Variants in SLC35A1 observed in about 807,000 individuals in gnomAD.
SLC35A1 encodes CMP-sialic acid transporter.
Under a neutral mutation model 40.3 loss-of-function variants are expected in SLC35A1, and 21 were observed. The ratio of observed to expected loss-of-function variants is 0.52; its 90% CI spans 0.37 to 0.75. The LOEUF (loss-of-function observed/expected upper bound fraction) is 0.75. Ranked by LOEUF, SLC35A1 falls within the 30% of genes least tolerant of loss-of-function variation. The probability of loss-of-function intolerance (pLI) is 0.00; values close to 1 mark genes in which losing one functional copy is unlikely to be tolerated. For synonymous variants in SLC35A1, 146 were observed against 147.3 expected (o/e 0.99, Z 0.06); for missense variants, 297 against 382.1 (o/e 0.78, Z 1.86).
At chr6:87,492,794 C>T (rs1769593309) in intron 2 of SLC35A1, among the ~76,000 whole-genome samples, 1 of 152,018 alleles carries the variant, frequency 6.6e-6, no homozygotes. Flanking sequence ...AGGCGATGCA[C>T]CCAGCTTGGC....
intron 1 of SLC35A1, among the ~76,000 whole-genome samples, chr6:87,476,682 G>A (rs1000047863): frequency 7.2e-5 from 11 of 151,852 alleles, no homozygotes; most frequent in Non-Finnish European, 1.5e-4. Flanking sequence ...CCGAGATCAC[G>A]TCAAGATCAT....
rs906267569 is a variant in SLC35A1, at chr6:87,511,937, A to AC, written c.*415dup. 1 of 243,078 alleles carries AC rather than the reference A, an allele frequency of 4.1e-6. No homozygotes were observed. Among genetic ancestry groups the AC allele is most frequent in the African/African-American group, 2.3e-5 (1 of 44,062 alleles). 15.1% of individuals were successfully genotyped at this position (243,078 alleles called of 1,614,324 possible). A position where few individuals can be genotyped will look rare whatever the true frequency, so the allele number is the denominator to read the frequency against. ...TGTTCCGGTACCGGGGAGAAGGATG[A>AC]CCCCTCCTTATTCTCCAATTCATGT... On this transcript the variant is annotated 3_prime_UTR_variant, in exon 8 of 8. Coordinates refer to ENST00000369552, the MANE Select transcript of SLC35A1 (RefSeq NM_006416.5).
chr6:87,511,600 A>G lies in SLC35A1; in HGVS notation c.*74A>G. On this transcript the variant is annotated 3_prime_UTR_variant, in exon 8 of 8. Transcript: ENST00000369552. ...ACTAGAGCCTTAAGTCAATCTCAGA[A>G]GGTAGCATAAACAAATAAAAATTAA... is the stretch of plus-strand genomic sequence containing the variant. 1.3e-6 allele frequency: 2 copies of G among 1,503,674 alleles called. No individual in the cohort carries two copies. The highest frequency in any genetic ancestry group is 1.9e-6 in the Non-Finnish European group (2 of 1,080,144). The allele number at this position is 1,503,674 out of a possible 1,614,324, so 93.1% of individuals were successfully genotyped here.
In SLC35A1 at chr6:87,477,865, TG is replaced by T. The variant is rs1769120200; in HGVS notation, c.194+329del. 4.6e-5 allele frequency among the ~76,000 whole-genome samples: 7 copies of T among 152,250 alleles called. No homozygotes were observed. The South Asian group carries it at 1.2e-3, about 27-fold the overall frequency. ...ATAGAAGTTGGCAAACTATGTCTCA[TG>T]GGCCAAATCCAGCTTGCTCCCTGGT... is the stretch of plus-strand genomic sequence containing the variant. On this transcript the variant is annotated intron_variant, in intron 2 of 7. Transcript: ENST00000369552.
At chr6:87,495,496 TC>T (rs1769699300) in intron 2 of SLC35A1, among the ~76,000 whole-genome samples, 1 of 152,160 alleles carries the variant, frequency 6.6e-6, no homozygotes, top group South Asian at 2.1e-4. Flanking sequence ...TTTGTTTATT[TC>T]TCCTTCTGGG....
intron 2 of SLC35A1, among the ~76,000 whole-genome samples, chr6:87,484,411 C>CACCCGT (rs1213543249): frequency 2.6e-5 from 4 of 152,136 alleles, no homozygotes; most frequent in Non-Finnish European, 5.9e-5. Flanking sequence ...TAGAAGGGTA[C>CACCCGT]ACCCTCACAG....
chr6:87,480,629 G>A (rs9450710), intron 2 of SLC35A1, among the ~76,000 whole-genome samples: 7,789 of 152,230 alleles, frequency 0.051, 210 homozygotes, highest in Middle Eastern at 0.078. Flanking sequence ...AGAACAAAGC[G>A]CATCTTAAAG....
At chr6:87,507,517 A>G (rs938690928) in intron 5 of SLC35A1, among the ~76,000 whole-genome samples, 15 of 152,182 alleles carry the variant, frequency 9.9e-5, no homozygotes, top group African/African-American at 3.6e-4. Context: ...AGCACTGGAT[A>G]AATGCTTCTC....
At chr6:87,473,348 C>T (rs984327250) in intron 1 of SLC35A1, among the ~76,000 whole-genome samples, 3 of 152,100 alleles carry the variant, frequency 2.0e-5, no homozygotes, top group African/African-American at 7.2e-5. Flanking sequence ...GGCGTGGGTC[C>T]GGGGCTGGAC....
intron 6 of SLC35A1, 156 bp downstream of exon 6, chr6:87,508,752 T>G: frequency 1.2e-6 from 1 of 820,888 alleles, no homozygotes. Flanking sequence ...TAGTTTTGAT[T>G]GTGAAGGCAA....
At position 87,483,064 on chromosome 6, in the gene SLC35A1, T is replaced by C. The variant is rs139173758; in HGVS notation, c.194+5525T>C. ...TGACAACAAGGTGGTATTGGAGTGTTATAGAGTCACGGAGAAGACCTTCAA... is the reference window on the plus strand; with the variant it reads ...TGACAACAAGGTGGTATTGGAGTGTCATAGAGTCACGGAGAAGACCTTCAA... On this transcript the variant is annotated intron_variant, in intron 2 of 7. Coordinates refer to ENST00000369552, the MANE Select transcript of SLC35A1 (RefSeq NM_006416.5). Among the ~76,000 whole-genome samples the C allele has an allele frequency of 3.0e-4, 45 of 152,230 alleles. No homozygotes were observed. The East Asian group carries it at 3.9e-3, about 13-fold the overall frequency.
At chr6:87,476,270 A>G (rs1769066782) in intron 1 of SLC35A1, among the ~76,000 whole-genome samples, 1 of 152,210 alleles carries the variant, frequency 6.6e-6, no homozygotes. Context: ...CAATGAAATG[A>G]GTGGCTAGTT....
In SLC35A1 at chr6:87,500,658, A is replaced by G. The variant is rs1252016015; in HGVS notation, c.345A>G (p.Ala115=). Reference sequence around the variant, plus strand: ...TAGCTCTTAGCAATCTGGATGCAGCAGTGTACCAGGTAAGTGGAGTTAATG... The same window carrying G: ...TAGCTCTTAGCAATCTGGATGCAGCGGTGTACCAGGTAAGTGGAGTTAATG... The part of the protein sequence containing the change: ...AFLALSNLDA[A]VYQVTYQLKI... Residue 115 remains alanine (A), a synonymous_variant, in exon 3 of 8, where the codon GCA becomes GCG. Coordinates refer to ENST00000369552, the MANE Select transcript of SLC35A1 (RefSeq NM_006416.5). 3 of 1,614,048 alleles carry G rather than the reference A, an allele frequency of 1.9e-6. No homozygotes were observed. Among genetic ancestry groups the G allele is most frequent in the Non-Finnish European group, 2.5e-6 (3 of 1,180,030 alleles).
At chr6:87,496,512 G>A (rs957900783) in intron 2 of SLC35A1, among the ~76,000 whole-genome samples, 6 of 152,068 alleles carry the variant, frequency 3.9e-5, no homozygotes, top group African/African-American at 1.2e-4. Context: ...AGGCGTGGTG[G>A]CTTACGCCTG....
chr6:87,496,074 G>A (rs1421927518), intron 2 of SLC35A1: 3 of 152,206 alleles, frequency 2.0e-5, no homozygotes, highest in African/African-American at 7.2e-5. Flanking sequence ...ATTTTGCACA[G>A]TGACTTGGTA....
chr6:87,488,961 G>A (rs1289030029), intron 2 of SLC35A1, among the ~76,000 whole-genome samples: 5 of 152,194 alleles, frequency 3.3e-5, no homozygotes, highest in African/African-American at 9.7e-5. Flanking sequence ...AGGTCAAAGG[G>A]CTGAGACCCC....
chr6:87,483,795 C>T (rs778652181), intron 2 of SLC35A1, among the ~76,000 whole-genome samples: 24 of 152,274 alleles, frequency 1.6e-4, no homozygotes, highest in Admixed American at 3.3e-4. Flanking sequence ...AGGTCCCTTG[C>T]ACACTTCCCA....
At chr6:87,484,012 C>T (rs374342651) in intron 2 of SLC35A1, among the ~76,000 whole-genome samples, 5 of 152,212 alleles carry the variant, frequency 3.3e-5, no homozygotes, top group South Asian at 4.1e-4. Flanking sequence ...TGATCATTCA[C>T]GCACACACAC....
intron 4 of SLC35A1, 77 bp downstream of exon 4, chr6:87,501,387 A>T: frequency 1.4e-6 from 2 of 1,380,906 alleles, no homozygotes; most frequent in Non-Finnish European, 2.0e-6. Context: ...AGTTACATTG[A>T]TGCATGCAGC....
Sources: allele counts gnomAD v4.1 joint callset (sites outside exome capture counted in the v4.1 genomes callset), GRCh38; gene constraint gnomAD v4.1.1; transcripts MANE v1.5; gene names NCBI Gene and HGNC (gene_info 2026-07-23, HGNC 2026-07-21).